Variants in EYA1 observed in about 807,000 individuals in gnomAD.
The protein encoded by EYA1 is EYA transcriptional coactivator and phosphatase 1.
Under a neutral mutation model 82.0 loss-of-function variants are expected in EYA1, and 16 were observed. The ratio of observed to expected loss-of-function variants is 0.20; its 90% CI spans 0.13 to 0.30. The LOEUF is 0.30. Ranked by LOEUF, EYA1 falls within the 10% of genes least tolerant of loss-of-function variation. EYA1 has a pLI of 1.00. For synonymous variants in EYA1, 261 were observed against 264.4 expected, an observed-to-expected ratio of 0.99 and a Z score of 0.12; for missense variants, 633 against 730.7, an observed-to-expected ratio of 0.87 and a Z score of 1.54.
chr8:71,362,046 C>G lies in EYA1; in HGVS notation c.-454G>C. 1 of 985,360 alleles carries G rather than the reference C, an allele frequency of 1.0e-6. No individual in the cohort carries two copies. The highest frequency in any genetic ancestry group is 1.2e-6 in the Non-Finnish European group (1 of 829,998). 61.0% of individuals were successfully genotyped at this position (985,360 alleles called of 1,614,324 possible). A position where few individuals can be genotyped will look rare whatever the true frequency, so the allele number is the denominator to read the frequency against. On this transcript the variant is annotated 5_prime_UTR_variant, in exon 1 of 18. Transcript: ENST00000340726. Reference sequence around the variant, plus strand: ...CGCCCAGCGCTCCTTCCCCACCAAACAGCAGCGGCAGATAGCATCTGAGAA... The same window carrying G: ...CGCCCAGCGCTCCTTCCCCACCAAAGAGCAGCGGCAGATAGCATCTGAGAA...
chr8:71,519,387 G>T (rs1160132424), intron 2 of EYA1, among the ~76,000 whole-genome samples: 2 of 152,026 alleles, frequency 1.3e-5, no homozygotes, highest in Non-Finnish European at 2.9e-5. Context: ...CAACTTTTTA[G>T]ATGGCAATAA....
intron 17 of EYA1, chr8:71,204,253 C>A (rs1223192833): frequency 6.6e-6 from 1 of 152,220 alleles, no homozygotes; most frequent in Non-Finnish European, 1.5e-5. Context: ...CTTCAAAAAT[C>A]TCCTTCCTCC....
intron 9 of EYA1, among the ~76,000 whole-genome samples, chr8:71,284,613 A>G (rs933316963): frequency 6.6e-6 from 1 of 152,210 alleles, no homozygotes; most frequent in African/African-American, 2.4e-5. Context: ...CTCTAAGTCA[A>G]TAGTTCAAAA....
At chr8:71,206,469 T>A (rs971229367) in intron 17 of EYA1, among the ~76,000 whole-genome samples, 3 of 152,002 alleles carry the variant, frequency 2.0e-5, no homozygotes, top group Non-Finnish European at 2.9e-5. Context: ...GAGCCACCTG[T>A]CTCAGCCTCC....
At chr8:71,454,323 G>C (rs1364335442) in intron 2 of EYA1, among the ~76,000 whole-genome samples, 7 of 152,152 alleles carry the variant, frequency 4.6e-5, no homozygotes, top group Non-Finnish European at 8.8e-5. Flanking sequence ...ATAATAATGG[G>C]AGACTTTAGC....
chr8:71,409,914 A>C (rs1830487752), intron 2 of EYA1, among the ~76,000 whole-genome samples: 1 of 131,274 alleles, frequency 7.6e-6, no homozygotes, highest in Admixed American at 7.7e-5. Context: ...AGGCAGAGAC[A>C]CAACCAAAAA....
chr8:71,336,579 T>C (rs1020108460), intron 3 of EYA1, among the ~76,000 whole-genome samples: 2 of 152,348 alleles, frequency 1.3e-5, no homozygotes, highest in South Asian at 4.1e-4. Context: ...ATGATTAGCT[T>C]AATCGAATGT....
chr8:71,349,081 C>G (rs981654340), intron 3 of EYA1, among the ~76,000 whole-genome samples: 6 of 152,162 alleles, frequency 3.9e-5, no homozygotes, highest in Non-Finnish European at 7.3e-5. Flanking sequence ...AACAATCAGA[C>G]AGCTGATGAA....
In EYA1 at chr8:71,390,188, G is replaced by A. The variant is rs180787151; in HGVS notation, c.34-33677C>T. ...GTGTTCTTCTTTTAATATACTACTG[G>A]GTTTGATTTGCTAATCAAATTCTCT... On this transcript the variant is annotated intron_variant, in intron 2 of 18. Coordinates refer to the EYA1 transcript ENST00000643681. 2.6e-5 allele frequency among the ~76,000 whole-genome samples: 4 copies of A among 151,856 alleles called. No homozygotes were observed. In the East Asian group the frequency reaches 7.7e-4, roughly 29 times the overall value.
Position 71,462,378 on chromosome 8 carries a change from G to A in EYA1, c.33+73366C>T, listed in dbSNP as rs1186224534. Among the ~76,000 whole-genome samples the A allele has an allele frequency of 5.9e-5, 9 of 152,160 alleles. No individual in the cohort carries two copies. In the East Asian group the frequency reaches 7.7e-4, roughly 13 times the overall value. On this transcript the variant is annotated intron_variant, in intron 2 of 18. Coordinates refer to the EYA1 transcript ENST00000643681. The stretch of plus-strand genomic sequence containing the variant: ...TCAGCTCCAACCCCTCTCCGAGATC[G>A]GAGTGGGTGCCAGGAAGAGGGAGAG...
At chr8:71,449,677 A>C (rs1285164128) in intron 2 of EYA1, among the ~76,000 whole-genome samples, 3 of 152,232 alleles carry the variant, frequency 2.0e-5, no homozygotes, top group African/African-American at 7.2e-5. Flanking sequence ...CACTGGCTGC[A>C]TCAGCCCCTA....
intron 16 of EYA1, among the ~76,000 whole-genome samples, chr8:71,212,754 C>T (rs10106541): frequency 0.014 from 2,063 of 152,318 alleles, 60 homozygotes; most frequent in African/African-American, 0.047. Context: ...TACCAGTCAT[C>T]TCCTCCTATG....
intron 3 of EYA1, among the ~76,000 whole-genome samples, chr8:71,346,219 A>G (rs1825688839): frequency 6.6e-6 from 1 of 152,168 alleles, no homozygotes; most frequent in East Asian, 1.9e-4. Context: ...TCCTCTGTAG[A>G]ATATAGTCCT....
At chr8:71,246,869 A>T (rs1385434049) in intron 11 of EYA1, among the ~76,000 whole-genome samples, 1 of 151,908 alleles carries the variant, frequency 6.6e-6, no homozygotes, top group South Asian at 2.1e-4. Flanking sequence ...ACCCAACCCA[A>T]CCTGGCTATT....
intron 11 of EYA1, among the ~76,000 whole-genome samples, chr8:71,254,361 A>G (rs1019691905): frequency 2.0e-5 from 3 of 152,008 alleles, no homozygotes; most frequent in African/African-American, 7.2e-5. Context: ...TAAATAATAC[A>G]ATAGGGTTGC....
intron 17 of EYA1, among the ~76,000 whole-genome samples, chr8:71,200,295 G>A (rs922486411): frequency 5.3e-5 from 8 of 152,194 alleles, no homozygotes; most frequent in African/African-American, 1.9e-4. Flanking sequence ...ATAGTTCTGA[G>A]AAATTTGGAA....
intron 6 of EYA1, among the ~76,000 whole-genome samples, chr8:71,318,037 ATAAT>A (rs1452490460): frequency 6.6e-6 from 1 of 152,252 alleles, no homozygotes; most frequent in African/African-American, 2.4e-5. Flanking sequence ...AGAAATAGCC[ATAAT>A]TAAATTTTAG....
At chr8:71,496,736 G>A (rs375200553) in intron 2 of EYA1, among the ~76,000 whole-genome samples, 15 of 152,116 alleles carry the variant, frequency 9.9e-5, no homozygotes, top group Admixed American at 7.9e-4. Context: ...TTTACCCTCT[G>A]TCTTTACATC....
At chr8:71,287,068 G>A (rs1818465710) in intron 9 of EYA1, among the ~76,000 whole-genome samples, 1 of 151,806 alleles carries the variant, frequency 6.6e-6, no homozygotes, top group Non-Finnish European at 1.5e-5. Flanking sequence ...CCAAAGTGCT[G>A]GGATTACAGG....
Sources: gnomAD v4.1 joint callset for allele counts (sites outside exome capture counted in the v4.1 genomes callset) on GRCh38, gnomAD v4.1.1 for gene constraint, MANE v1.5 for transcripts, NCBI Gene and HGNC (gene_info 2026-07-23, HGNC 2026-07-21) for gene names.